The following TMEM266 variants were observed in gnomAD, a reference collection of about 807,000 sequenced individuals.
The protein encoded by TMEM266 is Hv1 related protein 1.
In TMEM266, 33 loss-of-function variants were observed where a neutral mutation model predicts 50.5. That is an observed-to-expected ratio of 0.65 (90% confidence interval 0.50 to 0.87). The LOEUF is 0.87. TMEM266 is among the 40% of genes least tolerant of loss of function. The pLI, the probability that TMEM266 is intolerant of heterozygous loss-of-function variation, is 0.00. For missense variants in TMEM266, 655 were observed against 695.1 expected, an observed-to-expected ratio of 0.94 and a Z score of 0.65; for synonymous variants, 310 against 292.3, an observed-to-expected ratio of 1.06 and a Z score of -0.62.
intron 8 of TMEM266, among the ~76,000 whole-genome samples, chr15:76,182,513 G>A (rs1240396769): frequency 2.6e-5 from 4 of 151,828 alleles, no homozygotes; most frequent in South Asian, 2.1e-4. Context: ...GTGTGGTGGC[G>A]GGTGCCTGTG....
intron 1 of TMEM266, among the ~76,000 whole-genome samples, chr15:76,069,757 G>T (rs1365428469): frequency 6.6e-6 from 1 of 151,992 alleles, no homozygotes; most frequent in Admixed American, 6.6e-5. Flanking sequence ...GGTGGACTTT[G>T]CAGTGAGCCA....
In TMEM266 at chr15:76,160,560, G is replaced by T. The variant is rs148566169; in HGVS notation, c.456+392G>T. ...GCCCACACAGGGAAGCTCTTGGGCCGCTGTGGCTGTGGTCTTGGGCCCACA... is the reference window on the plus strand; with the variant it reads ...GCCCACACAGGGAAGCTCTTGGGCCTCTGTGGCTGTGGTCTTGGGCCCACA... On this transcript the variant is annotated intron_variant, in intron 5 of 10. Transcript: ENST00000388942. The surrounding 1 kb of genome is among the most constrained non-coding windows in gnomAD (Gnocchi z 5.7). Among the ~76,000 whole-genome samples, 1 of 152,222 alleles carries T rather than the reference G, an allele frequency of 6.6e-6. No homozygotes were observed. The highest frequency in any genetic ancestry group is 2.4e-5 in the African/African-American group (1 of 41,454).
At chr15:76,069,691 G>T (rs775194706) in intron 1 of TMEM266, among the ~76,000 whole-genome samples, 15 of 152,016 alleles carry the variant, frequency 9.9e-5, no homozygotes, top group African/African-American at 3.4e-4. Flanking sequence ...GGTGGTGCAC[G>T]CCTGTAGTCA....
intron 1 of TMEM266, among the ~76,000 whole-genome samples, chr15:76,125,550 TG>T (rs1219891279): frequency 6.6e-6 from 1 of 151,482 alleles, no homozygotes; most frequent in Non-Finnish European, 1.5e-5. Context: ...TCAATAGCCC[TG>T]TTAAAAAAAA....
chr15:76,102,100 C>T (rs1286274805), intron 1 of TMEM266, among the ~76,000 whole-genome samples: 4 of 152,194 alleles, frequency 2.6e-5, no homozygotes, highest in African/African-American at 9.7e-5. Context: ...AGGCCCCTAA[C>T]ATTATGTCCC....
At chr15:76,173,157 A>G (rs542605982) in intron 7 of TMEM266, among the ~76,000 whole-genome samples, 1 of 152,098 alleles carries the variant, frequency 6.6e-6, no homozygotes, top group East Asian at 1.9e-4. Context: ...GGACCTGGAG[A>G]TGGGTCTCAG....
chr15:76,081,231 A>T (rs2036690133), intron 1 of TMEM266, among the ~76,000 whole-genome samples: 1 of 152,202 alleles, frequency 6.6e-6, no homozygotes, highest in Non-Finnish European at 1.5e-5. Flanking sequence ...CATGCTATTG[A>T]CTATGGACAA....
chr15:76,198,268 C>G (rs1004073754), intron 9 of TMEM266, among the ~76,000 whole-genome samples: 3 of 152,194 alleles, frequency 2.0e-5, no homozygotes, highest in African/African-American at 7.2e-5. Context: ...TGTTCTGAAG[C>G]CTGTGTTTGT....
At chr15:76,144,980 C>G (rs2037735515) in intron 3 of TMEM266, among the ~76,000 whole-genome samples, 1 of 152,232 alleles carries the variant, frequency 6.6e-6, no homozygotes. Flanking sequence ...GCACCATTCT[C>G]ATGAAGGATT....
At chr15:76,151,687 C>A (rs2037845790) in intron 3 of TMEM266, among the ~76,000 whole-genome samples, 2 of 152,168 alleles carry the variant, frequency 1.3e-5, no homozygotes, top group Non-Finnish European at 2.9e-5. Context: ...CTTTGCCATA[C>A]CCCCTTTACC....
chr15:76,161,253 C>T lies in TMEM266; in HGVS notation c.456+1085C>T, dbSNP rs2038014259. 6.6e-6 allele frequency among the ~76,000 whole-genome samples: 1 copy of T among 152,170 alleles called. No homozygotes were observed. Among genetic ancestry groups the T allele is most frequent in the African/African-American group, 2.4e-5 (1 of 41,440 alleles). ...AGGCAGGAACGAGGGAGGCACAGCA[C>T]CTGCTGGGAACATACGCACATCTCA... On this transcript the variant is annotated intron_variant, in intron 5 of 10. Coordinates refer to ENST00000388942, the MANE Select transcript of TMEM266 (RefSeq NM_152335.3). The surrounding 1 kb of genome is among the most constrained non-coding windows in gnomAD (Gnocchi z 4.1).
chr15:76,169,469 G>A (rs923042472), intron 5 of TMEM266, among the ~76,000 whole-genome samples: 1 of 152,124 alleles, frequency 6.6e-6, no homozygotes, highest in African/African-American at 2.4e-5. Context: ...GATGACACAG[G>A]AGAGGCAGGC....
At chr15:76,112,934 C>G (rs965321185) in intron 1 of TMEM266, 2 of 152,220 alleles carry the variant, frequency 1.3e-5, no homozygotes, top group African/African-American at 4.8e-5. Context: ...AGCCCCTCCC[C>G]ACTGGCCTCA....
intron 3 of TMEM266, among the ~76,000 whole-genome samples, chr15:76,144,894 A>G (rs1388940831): frequency 1.3e-5 from 2 of 152,134 alleles, no homozygotes; most frequent in Admixed American, 6.5e-5. Context: ...GGCCAGCTCA[A>G]TGTCTTCTCC....
At chr15:76,121,311 G>A (rs2037342090) in intron 1 of TMEM266, among the ~76,000 whole-genome samples, 1 of 152,080 alleles carries the variant, frequency 6.6e-6, no homozygotes, top group African/African-American at 2.4e-5. Flanking sequence ...TGTTGCAGTG[G>A]ACAATTGTCT....
intron 1 of TMEM266, among the ~76,000 whole-genome samples, chr15:76,094,375 CTT>C (rs1567148492): frequency 1.3e-5 from 2 of 152,198 alleles, no homozygotes; most frequent in Admixed American, 1.3e-4. Context: ...AATAGGGAAT[CTT>C]TTACCCATTG....
intron 1 of TMEM266, among the ~76,000 whole-genome samples, chr15:76,102,973 C>A (rs183006260): frequency 1.7e-3 from 260 of 151,888 alleles, no homozygotes; most frequent in Middle Eastern, 6.8e-3. Context: ...ATGCACTGGC[C>A]AGGATAGGAA....
intron 2 of TMEM266, among the ~76,000 whole-genome samples, chr15:76,136,838 C>T (rs769229531): frequency 9.2e-5 from 14 of 152,134 alleles, no homozygotes; most frequent in East Asian, 1.9e-4. Context: ...GGATGTGTAG[C>T]GTCCCCAGCC....
chr15:76,069,257 A>G (rs1223949164), intron 1 of TMEM266, among the ~76,000 whole-genome samples: 1 of 152,174 alleles, frequency 6.6e-6, no homozygotes, highest in African/African-American at 2.4e-5. Context: ...ACACTAGGCT[A>G]GGTCGACTCA....
Sources: allele counts gnomAD v4.1 joint callset (sites outside exome capture counted in the v4.1 genomes callset), GRCh38; gene constraint gnomAD v4.1.1; non-coding constraint Gnocchi (gnomAD v3.1); transcripts MANE v1.5; gene names NCBI Gene and HGNC (gene_info 2026-07-23, HGNC 2026-07-21).